The following TLCD3A variants were observed in gnomAD, a reference collection of about 807,000 sequenced individuals.
TLCD3A encodes the protein TLC domain containing 3A.
A neutral mutation model predicts 29.9 loss-of-function variants in TLCD3A; 17 were observed. That is an observed-to-expected ratio of 0.57 (90% confidence interval 0.39 to 0.85). The LOEUF (loss-of-function observed/expected upper bound fraction) is 0.85. Ranked by LOEUF, TLCD3A falls within the 40% of genes least tolerant of loss-of-function variation. The pLI, the probability that TLCD3A is intolerant of heterozygous loss-of-function variation, is 0.00. For missense variants in TLCD3A, 332 were observed against 350.8 expected (o/e 0.95, Z 0.43); for synonymous variants, 143 against 147.7 (o/e 0.97, Z 0.23).
In TLCD3A at chr17:732,685, C is replaced by T. The variant is rs1015803361; in HGVS notation, c.38C>T (p.Pro13Leu). The T allele has an allele frequency of 3.5e-6, 5 of 1,423,182 alleles. No homozygotes were observed. In the African/African-American group the frequency reaches 5.9e-5, roughly 17 times the overall value. 88.2% of individuals were successfully genotyped at this position (1,423,182 alleles called of 1,614,324 possible). A position where few individuals can be genotyped will look rare whatever the true frequency, so the allele number is the denominator to read the frequency against. ...LTLAGGALFFPGLFALCTWAL... is the reference protein window; with the variant it reads ...LTLAGGALFFLGLFALCTWAL... ...CTGGCCGGGGGCGCGCTCTTCTTCC[C>T]GGGGCTCTTCGCGCTCTGCACCTGG... The change falls in exon 1 of 5, where the codon CCG becomes CTG. Residue 13 changes from proline (P) to leucine (L), a missense_variant. By Grantham distance (98) the Pro-to-Leu change is moderately conservative. Transcript: ENST00000308278.
chr17:732,878 T>C (rs2144103301), intron 1 of TLCD3A, 109 bp downstream of exon 1: 2 of 1,375,902 alleles, frequency 1.5e-6, no homozygotes, highest in Non-Finnish European at 1.9e-6. Flanking sequence ...GCCCGGGGGC[T>C]GCTCCCTCCG....
chr17:737,143 C>T (rs1974168395), intron 2 of TLCD3A, among the ~76,000 whole-genome samples: 1 of 152,156 alleles, frequency 6.6e-6, no homozygotes, highest in South Asian at 2.1e-4. Context: ...TCCCAAGTAG[C>T]TGGGACTACA....
Position 742,911 on chromosome 17 carries a change from T to TATCA in TLCD3A, c.*1342_*1345dup, listed in dbSNP as rs952956549. On this transcript the variant is annotated 3_prime_UTR_variant, in exon 5 of 5. Transcript: ENST00000308278. ...TTTTTAATTGTCTTTTTTTTTTAAC[T>TATCA]ATCAGTGTATCTTTAAAAGTCACCC... 2 of 152,324 alleles carry TATCA rather than the reference T, an allele frequency of 1.3e-5. No individual in the cohort carries two copies. The highest frequency in any genetic ancestry group is 4.8e-5 in the African/African-American group (2 of 41,438). The allele number at this position is 152,324 out of a possible 1,614,324, so 9.4% of individuals were successfully genotyped here. A position where few individuals can be genotyped will look rare whatever the true frequency, so the allele number is the denominator to read the frequency against.
In TLCD3A at chr17:742,057, G is replaced by T; in HGVS notation, c.*487G>T. 5.8e-6 allele frequency: 1 copy of T among 173,614 alleles called. No individual in the cohort carries two copies. Among genetic ancestry groups the T allele is most frequent in the Non-Finnish European group, 1.2e-5 (1 of 81,128 alleles). 10.8% of individuals were successfully genotyped at this position (173,614 alleles called of 1,614,324 possible). On this transcript the variant is annotated 3_prime_UTR_variant, in exon 5 of 5. Coordinates refer to ENST00000308278, the MANE Select transcript of TLCD3A (RefSeq NM_024792.3). ...GGCCTGGGACAATCATTGTGGGTAG[G>T]TAGTTATTGATCGTTTACTAGATAA...
At chr17:733,523 C>G (rs1260629192) in intron 2 of TLCD3A, among the ~76,000 whole-genome samples, 1 of 152,206 alleles carries the variant, frequency 6.6e-6, no homozygotes, top group Non-Finnish European at 1.5e-5. Flanking sequence ...CACTGGCTAA[C>G]AGACGTCCAG....
At position 737,951 on chromosome 17, in the gene TLCD3A, T is replaced by C. The variant is rs767031528; in HGVS notation, c.312T>C (p.Arg104=). The C allele has an allele frequency of 1.9e-6, 3 of 1,614,112 alleles. No homozygotes were observed. The highest frequency in any genetic ancestry group is 2.5e-6 in the Non-Finnish European group (3 of 1,180,026). Residue 104 remains arginine, a synonymous_variant, in exon 3 of 5, where the codon CGT becomes CGC. Coordinates refer to ENST00000308278, the MANE Select transcript of TLCD3A (RefSeq NM_024792.3). ...CEWCRTRDQN[R]APSLTLRNFL... ...GGTGCCGAACCAGAGACCAGAACCG[T>C]GCGCCCTCCCTCACTCTTCGAAACT...
rs960984033 is a variant in TLCD3A, at chr17:733,190, C to T, written c.206+9C>T. 2 of 1,541,878 alleles carry T rather than the reference C, an allele frequency of 1.3e-6. No individual in the cohort carries two copies. Among genetic ancestry groups the T allele is most frequent in the East Asian group, 2.6e-5 (1 of 38,942 alleles). ...GACGTGATCACCGGCAGGTAAGAGC[C>T]CGGGCCGGGGCCTTGTTGCAAATGT... is the stretch of plus-strand genomic sequence containing the variant. On this transcript the variant is annotated intron_variant, in intron 2 of 4. Transcript: ENST00000308278.
chr17:738,097 T>TGTTG (rs777894433), intron 3 of TLCD3A, 50 bp downstream of exon 3: 1 of 851,822 alleles, frequency 1.2e-6, no homozygotes, highest in Admixed American at 5.0e-5. Context: ...GCTGGGTGTC[T>TGTTG]TTTTTTTTTT....
chr17:736,185 G>A (rs1243889959), intron 2 of TLCD3A, among the ~76,000 whole-genome samples: 1 of 152,066 alleles, frequency 6.6e-6, no homozygotes, highest in Non-Finnish European at 1.5e-5. Context: ...GGCTGCGTCC[G>A]AAATCAGAGA....
intron 1 of TLCD3A, 62 bp from the exon 2 acceptor site, chr17:733,036 C>T (rs1567768613): frequency 1.3e-6 from 2 of 1,525,140 alleles, no homozygotes; most frequent in Non-Finnish European, 1.8e-6. Context: ...AGGGCCGGGC[C>T]GGGCTCCCTG....
In TLCD3A at chr17:732,654, C is replaced by T. The variant is rs569501129; in HGVS notation, c.7C>T (p.Leu3=). The change falls in exon 1 of 5, where the codon CTG becomes TTG. Residue 3 remains leucine (L), a synonymous_variant. Coordinates refer to ENST00000308278, the MANE Select transcript of TLCD3A (RefSeq NM_024792.3). ML[L]TLAGGALFFP... ...GGCCGGACCCGCAGCCCCGATGCTG[C>T]TGACGCTGGCCGGGGGCGCGCTCTT... 5 of 1,365,408 alleles carry T rather than the reference C, an allele frequency of 3.7e-6. No individual in the cohort carries two copies. The African/African-American group carries it at 4.5e-5, about 12-fold the overall frequency. The allele number at this position is 1,365,408 out of a possible 1,614,324, so 84.6% of individuals were successfully genotyped here. A position where few individuals can be genotyped will look rare whatever the true frequency, so the allele number is the denominator to read the frequency against.
At position 741,790 on chromosome 17, in the gene TLCD3A, GGA is replaced by G; in HGVS notation, c.*221_*222del. ...CTATTGGGTCCTGTCAGACCTCCAC[GGA>G]CAGCAAAGTGGTTTTAATGCAAGCC... On this transcript the variant is annotated 3_prime_UTR_variant, in exon 5 of 5. Coordinates refer to ENST00000308278, the MANE Select transcript of TLCD3A (RefSeq NM_024792.3). 1.7e-6 allele frequency: 1 copy of G among 591,040 alleles called. No individual in the cohort carries two copies. 36.6% of individuals were successfully genotyped at this position (591,040 alleles called of 1,614,324 possible).
intron 4 of TLCD3A, among the ~76,000 whole-genome samples, chr17:740,957 A>C (rs1346883280): frequency 6.6e-6 from 1 of 152,210 alleles, no homozygotes. Flanking sequence ...GGTTTGATCT[A>C]AGTTTGATAG....
At chr17:738,930 T>A (rs1427864998) in intron 3 of TLCD3A, among the ~76,000 whole-genome samples, 1 of 152,194 alleles carries the variant, frequency 6.6e-6, no homozygotes, top group Non-Finnish European at 1.5e-5. Context: ...AGAGGTTCTA[T>A]CCTTAGTTCA....
Position 740,582 on chromosome 17 carries a change from G to T in TLCD3A, c.486G>T (p.Leu162=). 6.2e-7 allele frequency: 1 copy of T among 1,613,966 alleles called. No individual in the cohort carries two copies. Among genetic ancestry groups the T allele is most frequent in the Non-Finnish European group, 8.5e-7 (1 of 1,179,956 alleles). Residue 162 remains leucine, a synonymous_variant, in exon 4 of 5, where the codon CTG becomes CTT. Coordinates refer to ENST00000308278, the MANE Select transcript of TLCD3A (RefSeq NM_024792.3). ...AACTGAGCACTCCGTTTGTGTCGCT[G>T]GGCAGGGTTCTGATTCAGGCATGTA... ...TAELSTPFVS[L]GRVLIQLKQQ...
rs554077889 is a variant in TLCD3A, at chr17:732,747, G to C, written c.100G>C (p.Asp34His). Residue 34 changes from aspartate to histidine, a missense_variant, in exon 1 of 5, where the codon GAC becomes CAC. Transcript: ENST00000308278. ...CTCCCAGCCCGGATGGAGCCGCACC[G>C]ACTGCGTGATGATCAGCACCAGGTA... Reference protein sequence around the residue: ...RRSQPGWSRTDCVMISTRLVS... With the variant: ...RRSQPGWSRTHCVMISTRLVS... 7.6e-6 allele frequency: 11 copies of C among 1,454,272 alleles called. No homozygotes were observed. The South Asian group carries it at 1.2e-4, about 16-fold the overall frequency. 90.1% of individuals were successfully genotyped at this position (1,454,272 alleles called of 1,614,324 possible). A position where few individuals can be genotyped will look rare whatever the true frequency, so the allele number is the denominator to read the frequency against.
chr17:738,576 T>A lies in TLCD3A; in HGVS notation c.408+529T>A, dbSNP rs76034074. Among the ~76,000 whole-genome samples, 1,286 of 152,258 alleles carry A rather than the reference T, an allele frequency of 8.4e-3. 17 individuals are homozygous for A. The highest frequency in any genetic ancestry group is 0.06 in the East Asian group (312 of 5,182). ...CTCCTTACCAACATCAACATCAACA[T>A]ACTTTTTCTTTTTTGAGACAGGGTT... On this transcript the variant is annotated intron_variant, in intron 3 of 4. Transcript: ENST00000308278.
chr17:739,449 A>G (rs1298529585), intron 3 of TLCD3A, among the ~76,000 whole-genome samples: 2 of 152,170 alleles, frequency 1.3e-5, no homozygotes. Context: ...TCAGCCTCCC[A>G]AAGTGCTGGG....
chr17:736,138 C>T (rs1022623871), intron 2 of TLCD3A, among the ~76,000 whole-genome samples: 5 of 152,132 alleles, frequency 3.3e-5, no homozygotes, highest in East Asian at 1.9e-4. Flanking sequence ...ATGGCGCCTC[C>T]GTAGACTGTA....
Sources: allele counts gnomAD v4.1 joint callset (sites outside exome capture counted in the v4.1 genomes callset), GRCh38; gene constraint gnomAD v4.1.1; transcripts MANE v1.5; gene names NCBI Gene and HGNC (gene_info 2026-07-23, HGNC 2026-07-21).